The following LINGO2 variants were observed in gnomAD, a reference collection of about 807,000 sequenced individuals.
The protein encoded by LINGO2 is leucine rich repeat and Ig domain containing 2, also known as leucine-rich repeat and immunoglobulin-like domain-containing nogo receptor-interacting protein 2.
In LINGO2, 14 loss-of-function variants were observed where a neutral mutation model predicts 30.6. That is an observed-to-expected ratio of 0.46 (90% CI 0.30 to 0.72). LINGO2 has a LOEUF of 0.72. Ranked by LOEUF, LINGO2 falls within the 30% of genes least tolerant of loss-of-function variation. The pLI, the probability that LINGO2 is intolerant of heterozygous loss-of-function variation, is 0.07. For missense variants in LINGO2, 729 were observed against 751.7 expected, an observed-to-expected ratio of 0.97 and a Z score of 0.35; for synonymous variants, 317 against 288.5, an observed-to-expected ratio of 1.10 and a Z score of -1.00.
At chr9:28,866,011 G>T in the LINGO2 span, among the ~76,000 whole-genome samples, 1 of 152,094 alleles carries the variant, frequency 6.6e-6, no homozygotes, top group Non-Finnish European at 1.5e-5. Context: ...TGTTAGTCGG[G>T]TACTTGGCTT....
intron 1 of LINGO2, among the ~76,000 whole-genome samples, chr9:28,622,178 T>C (rs894622985): frequency 1.3e-5 from 2 of 151,912 alleles, no homozygotes; most frequent in African/African-American, 4.8e-5. Context: ...TTAGTTATTT[T>C]AAAATCTACA....
the LINGO2 span, among the ~76,000 whole-genome samples, chr9:28,799,770 C>T: frequency 6.6e-6 from 1 of 152,080 alleles, no homozygotes; most frequent in Non-Finnish European, 1.5e-5. Flanking sequence ...CCAGGCACAA[C>T]TTAAGTGTGC....
chr9:28,827,581 T>C, the LINGO2 span, among the ~76,000 whole-genome samples: 1 of 152,136 alleles, frequency 6.6e-6, no homozygotes, highest in Non-Finnish European at 1.5e-5. Flanking sequence ...TACATATTAG[T>C]ACTTGACAAT....
chr9:29,005,764 C>G, the LINGO2 span, among the ~76,000 whole-genome samples: 1 of 151,896 alleles, frequency 6.6e-6, no homozygotes, highest in Non-Finnish European at 1.5e-5. Context: ...ATTTTTGAAC[C>G]ACATTTGGTT....
chr9:28,878,251 AT>A, the LINGO2 span, among the ~76,000 whole-genome samples: 1 of 152,160 alleles, frequency 6.6e-6, no homozygotes, highest in Non-Finnish European at 1.5e-5. Flanking sequence ...AAATGGATAA[AT>A]TCCTCGACAC....
intron 2 of LINGO2, among the ~76,000 whole-genome samples, chr9:28,438,185 G>A (rs965571483): frequency 6.6e-6 from 1 of 152,146 alleles, no homozygotes; most frequent in African/African-American, 2.4e-5. Flanking sequence ...CAGGTGGGAT[G>A]GTGAATTTTA....
chr9:28,469,931 T>G (rs1277438316), intron 2 of LINGO2, among the ~76,000 whole-genome samples: 1 of 152,102 alleles, frequency 6.6e-6, no homozygotes, highest in African/African-American at 2.4e-5. Flanking sequence ...GAAATAAGAG[T>G]ATTATTGTAA....
the LINGO2 span, among the ~76,000 whole-genome samples, chr9:28,684,150 T>A: frequency 6.7e-6 from 1 of 150,298 alleles, no homozygotes; most frequent in Non-Finnish European, 1.5e-5. Context: ...TATTTTCAGT[T>A]TAGACCAGGT....
At chr9:28,543,038 T>C (rs958644560) in intron 1 of LINGO2, among the ~76,000 whole-genome samples, 2 of 152,058 alleles carry the variant, frequency 1.3e-5, no homozygotes, top group African/African-American at 2.4e-5. Flanking sequence ...AACATGTCCT[T>C]TGCCAAATGC....
intron 1 of LINGO2, among the ~76,000 whole-genome samples, chr9:28,569,116 A>C (rs911589279): frequency 1.3e-5 from 2 of 152,078 alleles, no homozygotes; most frequent in Non-Finnish European, 1.5e-5. Context: ...AATGGCTATT[A>C]TCAGAAAGAT....
intron 2 of LINGO2, among the ~76,000 whole-genome samples, chr9:28,382,933 C>T (rs1346842611): frequency 6.6e-6 from 1 of 151,970 alleles, no homozygotes; most frequent in Non-Finnish European, 1.5e-5. Flanking sequence ...TGCTTCCAAA[C>T]AGGATTTGTA....
the LINGO2 span, among the ~76,000 whole-genome samples, chr9:28,988,735 T>C: frequency 2.0e-5 from 3 of 152,212 alleles, no homozygotes; most frequent in Admixed American, 2.0e-4. Context: ...TTTTCTCCTG[T>C]AGAAACCATG....
In LINGO2 at chr9:28,309,101, T is replaced by C. The variant is rs144301583; in HGVS notation, c.-245-13735A>G. Among the ~76,000 whole-genome samples, 2,359 of 152,146 alleles carry C rather than the reference T, an allele frequency of 0.016. 129 individuals are homozygous for C. In the East Asian group the frequency reaches 0.19, roughly 12 times the overall value. ...TACTGGGTATATACCCAAAGGACTG[T>C]AAATCATGCTGCCATAAAGACACAT... is the stretch of plus-strand genomic sequence containing the variant. On this transcript the variant is annotated intron_variant, in intron 3 of 5. Transcript: ENST00000379992.
chr9:28,700,053 T>C, the LINGO2 span, among the ~76,000 whole-genome samples: 7 of 152,054 alleles, frequency 4.6e-5, no homozygotes, highest in East Asian at 1.9e-4. Flanking sequence ...CTTTGAAGCA[T>C]GTGATCTTTG....
the LINGO2 span, among the ~76,000 whole-genome samples, chr9:28,788,833 G>T: frequency 1.5e-4 from 23 of 152,156 alleles, no homozygotes; most frequent in Non-Finnish European, 8.8e-5. Flanking sequence ...ATTGTGGGGA[G>T]TATGGGGATT....
intron 4 of LINGO2, among the ~76,000 whole-genome samples, chr9:28,261,538 C>T (rs552964991): frequency 1.5e-4 from 23 of 151,984 alleles, no homozygotes; most frequent in East Asian, 7.8e-4. Flanking sequence ...AAATTTGGCA[C>T]GTAGTCCTTT....
At chr9:28,438,680 T>C (rs1824054815) in intron 2 of LINGO2, among the ~76,000 whole-genome samples, 1 of 152,054 alleles carries the variant, frequency 6.6e-6, no homozygotes, top group East Asian at 1.9e-4. Flanking sequence ...GCATCAGCTA[T>C]TGGCAAGTAG....
the LINGO2 span, among the ~76,000 whole-genome samples, chr9:28,748,537 C>T: frequency 6.6e-6 from 1 of 151,848 alleles, no homozygotes; most frequent in Non-Finnish European, 1.5e-5. Context: ...GGAAGTACAC[C>T]CAAACATCTT....
At chr9:28,532,572 T>C (rs989397736) in intron 1 of LINGO2, among the ~76,000 whole-genome samples, 4 of 152,124 alleles carry the variant, frequency 2.6e-5, no homozygotes, top group Admixed American at 6.6e-5. Flanking sequence ...ACACTCTCTA[T>C]GTATTTATCA....
Sources: gnomAD v4.1 joint callset for allele counts (sites outside exome capture counted in the v4.1 genomes callset) on GRCh38, gnomAD v4.1.1 for gene constraint, MANE v1.5 for transcripts, NCBI Gene and HGNC (gene_info 2026-07-23, HGNC 2026-07-21) for gene names.